The following SEMA4D variants were observed in gnomAD, a reference collection of about 807,000 sequenced individuals.
SEMA4D encodes the protein semaphorin-4D.
Under a neutral mutation model 74.8 loss-of-function variants are expected in SEMA4D, and 22 were observed. The observed-to-expected ratio is 0.29, with a 90% confidence interval of 0.21 to 0.42. The LOEUF (loss-of-function observed/expected upper bound fraction) is 0.42. Among genes scored for constraint, SEMA4D ranks in the 10% least tolerant of loss-of-function variants. The probability of loss-of-function intolerance (pLI) is 1.00; values close to 1 mark genes in which losing one functional copy is unlikely to be tolerated. For missense variants in SEMA4D, 937 were observed against 1,118.4 expected, an observed-to-expected ratio of 0.84 and a Z score of 2.31; for synonymous variants, 445 against 463.7, an observed-to-expected ratio of 0.96 and a Z score of 0.52.
rs184212547 is a variant in SEMA4D, at chr9:89,418,388, C to A, written c.-243-12689G>T. 94 of 985,438 alleles carry A rather than the reference C, an allele frequency of 9.5e-5. No individual in the cohort carries two copies. In the East Asian group the frequency reaches 7.7e-3, roughly 81 times the overall value. The allele number at this position is 985,438 out of a possible 1,614,324, so 61.0% of individuals were successfully genotyped here. A position where few individuals can be genotyped will look rare whatever the true frequency, so the allele number is the denominator to read the frequency against. Reference sequence around the variant, plus strand: ...CTGGTGCTAGAGATGAGCCCCAGGACCCGACCAGGTGTACTTTCTTGCACA... The same window carrying A: ...CTGGTGCTAGAGATGAGCCCCAGGAACCGACCAGGTGTACTTTCTTGCACA... On this transcript the variant is annotated intron_variant, in intron 2 of 15. Coordinates refer to ENST00000422704, the MANE Select transcript of SEMA4D (RefSeq NM_001371194.2).
In SEMA4D at chr9:89,381,158, G is replaced by C. The variant is rs575282028; in HGVS notation, c.1619+16C>G. ...CACATGGGGGACATCCCCAGGCAGC[G>C]CATCCCGCCCCATACCTGCTGGGGC... is the stretch of plus-strand genomic sequence containing the variant. On this transcript the variant is annotated intron_variant, in intron 14 of 15. Coordinates refer to ENST00000422704, the MANE Select transcript of SEMA4D (RefSeq NM_001371194.2). This position sits in a 1 kb window ranked among gnomAD's most constrained non-coding sequence, Gnocchi z 4.6. The C allele has an allele frequency of 6.2e-7, 1 of 1,613,934 alleles. No homozygotes were observed. The highest frequency in any genetic ancestry group is 8.5e-7 in the Non-Finnish European group (1 of 1,180,014).
chr9:89,401,967 G>A (rs185365535), intron 4 of SEMA4D, among the ~76,000 whole-genome samples: 245 of 152,098 alleles, frequency 1.6e-3, no homozygotes, highest in African/African-American at 4.8e-3. Context: ...CTGCCTCCAT[G>A]GAGAAGCCCG....
At chr9:89,479,326 C>T (rs1862572273) in intron 1 of SEMA4D, among the ~76,000 whole-genome samples, 1 of 152,358 alleles carries the variant, frequency 6.6e-6, no homozygotes. Flanking sequence ...GCGAGATTGG[C>T]CACCATGTTT....
At position 89,405,519 on chromosome 9, in the gene SEMA4D, G is replaced by A; in HGVS notation, c.-63C>T. Reference sequence around the variant, plus strand: ...CTCACGGCAGCAGGTGGCCGGGCAGGTGTGCTATTGCAGATGCGGCTCAGC... The same window carrying A: ...CTCACGGCAGCAGGTGGCCGGGCAGATGTGCTATTGCAGATGCGGCTCAGC... On this transcript the variant is annotated 5_prime_UTR_variant, in exon 3 of 16. Transcript: ENST00000422704. 1.3e-6 allele frequency: 2 copies of A among 1,595,076 alleles called. No homozygotes were observed. Among genetic ancestry groups the A allele is most frequent in the Non-Finnish European group, 1.7e-6 (2 of 1,174,622 alleles).
At chr9:89,364,872 C>T (rs1008556634) in intron 16 of SEMA4D, 1 of 141,806 alleles carries the variant, frequency 7.1e-6, no homozygotes, top group African/African-American at 2.7e-5. Context: ...GCGGCCAACC[C>T]TGAGGGCTAC....
intron 1 of SEMA4D, among the ~76,000 whole-genome samples, chr9:89,462,983 G>GGGAGGGGAGCGAGC (rs1857701386): frequency 8.2e-5 from 2 of 24,298 alleles, no homozygotes; most frequent in Admixed American, 4.1e-4. Flanking sequence ...GGGGAGCGAG[G>GGGAGGGGAGCGAGC]GAGAAAGAGA....
chr9:89,453,929 C>T (rs533357074), intron 2 of SEMA4D, among the ~76,000 whole-genome samples: 4 of 146,332 alleles, frequency 2.7e-5, no homozygotes, highest in Non-Finnish European at 5.9e-5. Context: ...GCGATCTTGG[C>T]TCACTGCAAG....
chr9:89,393,758 G>T, intron 6 of SEMA4D, 103 bp from the exon 7 acceptor site: 1 of 868,344 alleles, frequency 1.2e-6, no homozygotes, highest in Non-Finnish European at 1.9e-6. Context: ...CTTCTCGGAA[G>T]ACCAACAGGG....
At chr9:89,449,614 C>A in intron 2 of SEMA4D, 2 of 1,118,912 alleles carry the variant, frequency 1.8e-6, no homozygotes, top group South Asian at 1.2e-5. Flanking sequence ...TGGTCGTGAC[C>A]AACTATAAGA....
chr9:89,370,838 G>A (rs1194235985), intron 16 of SEMA4D, among the ~76,000 whole-genome samples: 8 of 145,410 alleles, frequency 5.5e-5, no homozygotes, highest in South Asian at 2.3e-4. Flanking sequence ...TCTGGGGTGC[G>A]GTGTGTCGGG....
At chr9:89,487,720 C>T (rs756373722) in intron 1 of SEMA4D, among the ~76,000 whole-genome samples, 2 of 151,990 alleles carry the variant, frequency 1.3e-5, no homozygotes, top group Non-Finnish European at 2.9e-5. Flanking sequence ...TTCTATATAT[C>T]GCAATTAACA....
chr9:89,368,983 G>A lies in SEMA4D; in HGVS notation c.1883-5033C>T, dbSNP rs188958609. The A allele has an allele frequency of 2.2e-4, 34 of 152,348 alleles. No homozygotes were observed. The East Asian group carries it at 3.3e-3, about 15-fold the overall frequency. The allele number at this position is 152,348 out of a possible 1,614,324, so 9.4% of individuals were successfully genotyped here. On this transcript the variant is annotated intron_variant, in intron 16 of 18. Transcript: ENST00000339861. ...AGACAGCTGTGTTGTAAAGGCACGTGGAATTATCCCAGATAACAGAAGAGA... is the reference window on the plus strand; with the variant it reads ...AGACAGCTGTGTTGTAAAGGCACGTAGAATTATCCCAGATAACAGAAGAGA...
intron 1 of SEMA4D, among the ~76,000 whole-genome samples, chr9:89,478,156 T>C (rs1224419932): frequency 6.6e-6 from 1 of 152,228 alleles, no homozygotes; most frequent in African/African-American, 2.4e-5. Flanking sequence ...GTATTTCAAT[T>C]GCCTTCTTGT....
intron 1 of SEMA4D, among the ~76,000 whole-genome samples, chr9:89,488,341 G>A (rs1364131591): frequency 7.1e-6 from 1 of 140,292 alleles, no homozygotes; most frequent in Non-Finnish European, 1.5e-5. Context: ...AACTCGAAAT[G>A]GATCACAGAT....
chr9:89,387,889 T>C (rs1838899113), intron 11 of SEMA4D, among the ~76,000 whole-genome samples: 1 of 152,220 alleles, frequency 6.6e-6, no homozygotes, highest in Non-Finnish European at 1.5e-5. Flanking sequence ...AAACACTTAT[T>C]GAGCTTTTGA....
Position 89,418,614 on chromosome 9 carries a change from C to T in SEMA4D, c.-243-12915G>A, listed in dbSNP as rs56229306. ...ATGGCTGGTTTTCAGCCAAACAGAA[C>T]GGTGTCCACCGTGGTGTGGCAAGGT... is the stretch of plus-strand genomic sequence containing the variant. On this transcript the variant is annotated intron_variant, in intron 2 of 15. Coordinates refer to ENST00000422704, the MANE Select transcript of SEMA4D (RefSeq NM_001371194.2). The T allele has an allele frequency of 8.6e-3, 1,485 of 172,892 alleles. 22 individuals carry two copies. The highest frequency in any genetic ancestry group is 0.032 in the African/African-American group (1,349 of 41,948). The allele number at this position is 172,892 out of a possible 1,614,324, so 10.7% of individuals were successfully genotyped here.
intron 2 of SEMA4D, chr9:89,436,329 G>T (rs1411798375): frequency 6.6e-6 from 1 of 152,260 alleles, no homozygotes; most frequent in African/African-American, 2.4e-5. Flanking sequence ...CACCTTTCCA[G>T]GGGCCATGCT....
intron 2 of SEMA4D, among the ~76,000 whole-genome samples, chr9:89,442,243 G>A (rs964414163): frequency 1.3e-5 from 2 of 151,330 alleles, no homozygotes; most frequent in Non-Finnish European, 2.9e-5. Flanking sequence ...TCAGTGGGTC[G>A]GCTCTGGGCA....
chr9:89,412,935 G>A (rs1372114994), intron 2 of SEMA4D, among the ~76,000 whole-genome samples: 1 of 152,154 alleles, frequency 6.6e-6, no homozygotes, highest in Non-Finnish European at 1.5e-5. Flanking sequence ...GGCCCTGCGA[G>A]TTCTTTCAGA....
Sources: allele counts gnomAD v4.1 joint callset (sites outside exome capture counted in the v4.1 genomes callset), GRCh38; gene constraint gnomAD v4.1.1; non-coding constraint Gnocchi (gnomAD v3.1); transcripts MANE v1.5; gene names NCBI Gene and HGNC (gene_info 2026-07-23, HGNC 2026-07-21).